The following NRXN1 variants were observed in gnomAD, a reference collection of about 807,000 sequenced individuals.
NRXN1 encodes neurexin-1.
A neutral mutation model predicts 150.9 loss-of-function variants in NRXN1; 39 were observed. The ratio of observed to expected loss-of-function variants is 0.26; its 90% CI spans 0.20 to 0.34. The LOEUF is 0.34. NRXN1 is among the 10% of genes least tolerant of loss of function. The pLI is 1.00. For synonymous variants in NRXN1, 924 were observed against 757.0 expected (o/e 1.22, Z -3.62); for missense variants, 1,815 against 1,949.9 (o/e 0.93, Z 1.30).
rs370409493 is a variant in NRXN1 at position 51,011,231 on chromosome 2, C to A, written c.772+16271G>T. 1.1e-4 allele frequency among the ~76,000 whole-genome samples: 17 copies of A among 151,980 alleles called. No homozygotes were observed. In the East Asian group the frequency reaches 2.7e-3, roughly 24 times the overall value. On this transcript the variant is annotated intron_variant, in intron 2 of 22. Transcript: ENST00000401669. ...GAAATTGCCTACTTGTTTTGTTTGA[C>A]CATTACCGACAATATTCTCTTCTTA...
At chr2:50,996,591 G>A (rs777366521) in intron 2 of NRXN1, among the ~76,000 whole-genome samples, 1 of 152,004 alleles carries the variant, frequency 6.6e-6, no homozygotes, top group Non-Finnish European at 1.5e-5. Context: ...GCATGTACCT[G>A]GCTTCTGCCC....
intron 8 of NRXN1, among the ~76,000 whole-genome samples, chr2:50,592,333 C>A (rs1357810056): frequency 1.3e-5 from 2 of 152,194 alleles, no homozygotes; most frequent in Non-Finnish European, 2.9e-5. Context: ...ATCTAAACAG[C>A]CTGAGTAATA....
At chr2:50,548,037 A>G (rs1440984449) in intron 9 of NRXN1, 3 of 152,178 alleles carry the variant, frequency 2.0e-5, no homozygotes, top group East Asian at 3.9e-4. Flanking sequence ...GTTATTTCTC[A>G]TTGAATAAGG....
At chr2:50,541,998 C>CT (rs1249435238) in intron 9 of NRXN1, among the ~76,000 whole-genome samples, 6 of 152,086 alleles carry the variant, frequency 3.9e-5, no homozygotes, top group Non-Finnish European at 7.4e-5. Flanking sequence ...AAAGAACAAG[C>CT]AGGCCAGGCG....
chr2:50,991,159 T>A (rs1267164449), intron 2 of NRXN1, among the ~76,000 whole-genome samples: 2 of 152,024 alleles, frequency 1.3e-5, no homozygotes, highest in Non-Finnish European at 2.9e-5. Context: ...GAATAAGCTG[T>A]TAAGCTTTTT....
intron 8 of NRXN1, among the ~76,000 whole-genome samples, chr2:50,561,828 T>C (rs1410962905): frequency 1.3e-5 from 2 of 152,174 alleles, no homozygotes; most frequent in Non-Finnish European, 2.9e-5. Flanking sequence ...ACAAGTTAAC[T>C]AGAATCAATA....
intron 17 of NRXN1, among the ~76,000 whole-genome samples, chr2:50,327,457 A>G (rs1362588765): frequency 6.6e-6 from 1 of 152,164 alleles, no homozygotes; most frequent in Non-Finnish European, 1.5e-5. Flanking sequence ...TGGGTAGTAA[A>G]CACATGTGGG....
chr2:50,069,588 T>A (rs184875726), intron 19 of NRXN1, among the ~76,000 whole-genome samples: 28 of 152,364 alleles, frequency 1.8e-4, no homozygotes, highest in Non-Finnish European at 2.8e-4. Flanking sequence ...AACTAACTTA[T>A]GGTGCCTTGA....
chr2:51,013,346 G>A (rs1394912709), intron 2 of NRXN1, among the ~76,000 whole-genome samples: 2 of 151,998 alleles, frequency 1.3e-5, no homozygotes, highest in Non-Finnish European at 2.9e-5. Context: ...AGCAAGTCAA[G>A]TCACTGGGGG....
chr2:50,829,653 G>C, intron 5 of NRXN1: 3 of 1,611,816 alleles, frequency 1.9e-6, no homozygotes, highest in Non-Finnish European at 2.5e-6. Context: ...GTTGGTACGG[G>C]ACGGCATCAT....
chr2:50,119,251 A>G (rs898780769), intron 18 of NRXN1, among the ~76,000 whole-genome samples: 1 of 152,130 alleles, frequency 6.6e-6, no homozygotes, highest in African/African-American at 2.4e-5. Flanking sequence ...TATATTGAAA[A>G]TCTTTTAAAA....
intron 18 of NRXN1, among the ~76,000 whole-genome samples, chr2:50,098,412 C>T (rs1700524233): frequency 6.6e-6 from 1 of 152,062 alleles, no homozygotes; most frequent in South Asian, 2.1e-4. Flanking sequence ...CTCAAACTGC[C>T]ATGGGAGCAA....
intron 21 of NRXN1, among the ~76,000 whole-genome samples, chr2:50,001,245 A>G (rs1185665887): frequency 1.3e-5 from 2 of 152,166 alleles, no homozygotes; most frequent in Non-Finnish European, 2.9e-5. Context: ...GAGAGGTTAT[A>G]GGATAAATAA....
chr2:50,343,408 C>T (rs529801682), intron 17 of NRXN1, among the ~76,000 whole-genome samples: 162 of 152,204 alleles, frequency 1.1e-3, no homozygotes, highest in African/African-American at 3.6e-3. Context: ...TTCTTAATTA[C>T]AAGCAGGCTT....
At chr2:50,676,773 G>C (rs1046921791) in intron 5 of NRXN1, among the ~76,000 whole-genome samples, 3 of 152,114 alleles carry the variant, frequency 2.0e-5, no homozygotes, top group Non-Finnish European at 4.4e-5. Context: ...CTTTGTTGAG[G>C]CTTGAAAAGC....
Position 51,020,058 on chromosome 2 carries a change from G to GT in NRXN1, c.772+7443dup, listed in dbSNP as rs553974870. Among the ~76,000 whole-genome samples the GT allele has an allele frequency of 4.6e-3, 661 of 144,732 alleles. 4 individuals are homozygous for GT. The highest frequency in any genetic ancestry group is 0.013 in the African/African-American group (534 of 39,656). 94.9% of individuals were successfully genotyped at this position (144,732 alleles called of 152,430 possible). ...CAGCATTTCTGTTTTAATTTGAAAG[G>GT]TTTTTTTTTTTAAGTTGAGGGAGAG... On this transcript the variant is annotated intron_variant, in intron 2 of 22. Transcript: ENST00000401669.
chr2:50,644,495 C>T (rs1684514398), intron 5 of NRXN1, among the ~76,000 whole-genome samples: 1 of 151,246 alleles, frequency 6.6e-6, no homozygotes, highest in Admixed American at 6.6e-5. Flanking sequence ...ATAAGCAACC[C>T]CTGGAGGATT....
chr2:50,730,529 C>T (rs1163057669), intron 5 of NRXN1, among the ~76,000 whole-genome samples: 2 of 152,078 alleles, frequency 1.3e-5, no homozygotes, highest in Non-Finnish European at 2.9e-5. Context: ...TTGACTAGTG[C>T]AGCCTTCAAA....
At chr2:50,312,775 T>C (rs1294127515) in intron 17 of NRXN1, 1 of 515,722 alleles carries the variant, frequency 1.9e-6, no homozygotes, top group Non-Finnish European at 3.9e-6. Flanking sequence ...AGCTACTTCA[T>C]TTATCACCAG....
Sources: allele counts gnomAD v4.1 joint callset (sites outside exome capture counted in the v4.1 genomes callset), GRCh38; gene constraint gnomAD v4.1.1; transcripts MANE v1.5; gene names NCBI Gene and HGNC (gene_info 2026-07-23, HGNC 2026-07-21).